Variants in WNK2 observed in about 807,000 individuals in gnomAD.
The protein encoded by WNK2 is WNK lysine deficient protein kinase 2.
A neutral mutation model predicts 192.1 loss-of-function variants in WNK2; 67 were observed. That is an observed-to-expected ratio of 0.35 (90% CI 0.29 to 0.43). The LOEUF is 0.43. Ranked by LOEUF, WNK2 falls within the 20% of genes least tolerant of loss-of-function variation. The probability of loss-of-function intolerance (pLI) is 1.00; values close to 1 mark genes in which losing one functional copy is unlikely to be tolerated. For synonymous variants in WNK2, 1,439 were observed against 1,393.9 expected (o/e 1.03, Z -0.72); for missense variants, 2,698 against 3,089.7 (o/e 0.87, Z 3.01).
chr9:93,288,567 C>T lies in WNK2; in HGVS notation c.4034-221C>T, dbSNP rs551245697. 1.8e-4 allele frequency among the ~76,000 whole-genome samples: 28 copies of T among 152,260 alleles called. No homozygotes were observed. In the South Asian group the frequency reaches 3.7e-3, roughly 20 times the overall value. ...CTATGGGAACAGGGACCTGGAGTTG[C>T]GAAGCTGGTGGCTCAGAGACCTGTG... On this transcript the variant is annotated intron_variant, in intron 19 of 29. Coordinates refer to ENST00000427277, the MANE Select transcript of WNK2 (RefSeq NM_006648.4).
Position 93,247,712 on chromosome 9 carries a change from T to A in WNK2, c.1712T>A (p.Leu571Gln). 1 of 1,562,060 alleles carries A rather than the reference T, an allele frequency of 6.4e-7. No homozygotes were observed. Among genetic ancestry groups the A allele is most frequent in the Non-Finnish European group, 8.7e-7 (1 of 1,153,730 alleles). Reference sequence around the variant, plus strand: ...AAGGCCAGGGGTCCGCCGGTGCCCCTGCAGGTCCAGGTGACCTACCATGCA... The same window carrying A: ...AAGGCCAGGGGTCCGCCGGTGCCCCAGCAGGTCCAGGTGACCTACCATGCA... ...PDKARGPPVP[L>Q]QVQVTYHAQA... Residue 571 changes from leucine to glutamine, a missense_variant, in exon 8 of 30, where the codon CTG (leucine) becomes CAG (glutamine). By Grantham distance (113) the Leu-to-Gln change is moderately radical. Transcript: ENST00000427277. The surrounding 1 kb of genome is among the most constrained non-coding windows in gnomAD (Gnocchi z 5.2).
At chr9:93,299,855 G>A (rs560488180) in intron 25 of WNK2, among the ~76,000 whole-genome samples, 196 bp from the exon 26 acceptor site, 14 of 37,674 alleles carry the variant, frequency 3.7e-4, no homozygotes, top group Admixed American at 2.9e-3. Flanking sequence ...GCCCCTCTCC[G>A]GGCTGCTTCT....
chr9:93,213,213 G>C (rs1486583373), intron 2 of WNK2, among the ~76,000 whole-genome samples: 1 of 152,182 alleles, frequency 6.6e-6, no homozygotes, highest in East Asian at 1.9e-4. Flanking sequence ...GGAACCCCGG[G>C]CTCTGAAGCT....
rs1843281978 is a variant in WNK2, at chr9:93,256,329, C to A, written c.2065C>A (p.Pro689Thr). 13 of 1,582,918 alleles carry A rather than the reference C, an allele frequency of 8.2e-6. No homozygotes were observed. The highest frequency in any genetic ancestry group is 9.4e-6 in the Non-Finnish European group (11 of 1,171,238). Residue 689 changes from proline (P) to threonine (T), a missense_variant, in exon 10 of 30, where the codon CCC becomes ACC. By Grantham distance (38) the Pro-to-Thr change is conservative. Coordinates refer to ENST00000427277, the MANE Select transcript of WNK2 (RefSeq NM_006648.4). ...CTTGCCGGTGGGCTCTGTCCCGGCC[C>A]CCGCCTGCCCTCCGTCCCTCCAGCA... ...PGLPVGSVPAPACPPSLQQHF... is the reference protein window; with the variant it reads ...PGLPVGSVPATACPPSLQQHF...
At chr9:93,241,733 C>G (rs540214220) in intron 7 of WNK2, among the ~76,000 whole-genome samples, 4 of 152,284 alleles carry the variant, frequency 2.6e-5, no homozygotes, top group African/African-American at 9.6e-5. Flanking sequence ...GTCACAGACT[C>G]TGCTCCTCCT....
At chr9:93,233,374 G>T (rs1340102518) in intron 4 of WNK2, among the ~76,000 whole-genome samples, 1 of 151,954 alleles carries the variant, frequency 6.6e-6, no homozygotes, top group East Asian at 1.9e-4. Flanking sequence ...CCATATTCTT[G>T]TCCCAATTTT....
At chr9:93,299,980 G>T in intron 25 of WNK2, 71 bp from the exon 26 acceptor site, 1 of 1,290,042 alleles carries the variant, frequency 7.8e-7, no homozygotes, top group South Asian at 1.2e-5. Flanking sequence ...CTGTTGGTGT[G>T]GAGGAGGAAT....
intron 7 of WNK2, among the ~76,000 whole-genome samples, chr9:93,244,504 G>C (rs566830777): frequency 6.6e-6 from 1 of 152,362 alleles, no homozygotes; most frequent in African/African-American, 2.4e-5. Context: ...GGAAGGCTGG[G>C]GGTGATGATG....
intron 19 of WNK2, among the ~76,000 whole-genome samples, chr9:93,284,118 C>G (rs996586080): frequency 3.9e-5 from 6 of 152,182 alleles, no homozygotes; most frequent in Non-Finnish European, 8.8e-5. Context: ...AAAGTTTCAG[C>G]TTGATGGCTT....
chr9:93,308,362 G>C lies in WNK2; in HGVS notation c.6294G>C (p.Glu2098Asp). ...CCAGCAGCCTGGCCCCAGGCCCTGA[G>C]CCAGGCCCCCAGCCCGCCCTGCACG... Reference protein sequence around the residue: ...SSTSSLAPGPEPGPQPALHVQ... With the variant: ...SSTSSLAPGPDPGPQPALHVQ... Residue 2098 changes from glutamate to aspartate, a missense_variant, in exon 28 of 30, where the codon GAG (glutamate) becomes GAC (aspartate). Physicochemically the swap from Glu to Asp is conservative, Grantham distance 45 (BLOSUM62 2). Coordinates refer to ENST00000427277, the MANE Select transcript of WNK2 (RefSeq NM_006648.4). 6.4e-7 allele frequency: 1 copy of C among 1,557,434 alleles called. No individual in the cohort carries two copies. The highest frequency in any genetic ancestry group is 8.7e-7 in the Non-Finnish European group (1 of 1,150,838).
intron 19 of WNK2, among the ~76,000 whole-genome samples, chr9:93,283,653 AT>A (rs1424043986): frequency 6.6e-6 from 1 of 152,238 alleles, no homozygotes; most frequent in East Asian, 1.9e-4. Flanking sequence ...TGGTGACAAG[AT>A]TGCTGGAACA....
At chr9:93,261,536 A>T (rs1190266076) in intron 12 of WNK2, among the ~76,000 whole-genome samples, 1 of 152,162 alleles carries the variant, frequency 6.6e-6, no homozygotes, top group African/African-American at 2.4e-5. Flanking sequence ...CTGACCCTTC[A>T]ACCAAGCTTG....
chr9:93,184,814 C>A (rs1490623066), intron 1 of WNK2, 114 bp from the exon 2 acceptor site: 8 of 991,130 alleles, frequency 8.1e-6, no homozygotes, highest in Non-Finnish European at 9.0e-6. Flanking sequence ...CAGGCTCTCT[C>A]CGCGGCCGGG....
At chr9:93,200,239 C>G (rs545931568) in intron 2 of WNK2, among the ~76,000 whole-genome samples, 1 of 152,174 alleles carries the variant, frequency 6.6e-6, no homozygotes, top group African/African-American at 2.4e-5. Flanking sequence ...CCTGGCCTTG[C>G]TCTGGCCCCT....
intron 21 of WNK2, 100 bp downstream of exon 21, chr9:93,290,147 C>A: frequency 9.4e-7 from 1 of 1,062,368 alleles, no homozygotes; most frequent in South Asian, 1.5e-5. Context: ...TCTGTTAAGG[C>A]ATAAAAGCAT....
chr9:93,239,874 G>T lies in WNK2; in HGVS notation c.1440G>T (p.Val480=). Residue 480 remains valine, a synonymous_variant, in exon 7 of 30, where the codon GTG becomes GTT. Transcript: ENST00000427277. This position sits in a 1 kb window ranked among gnomAD's most constrained non-coding sequence, Gnocchi z 4.2. ...CCACCATCGCCCTGAGGCTCTGGGT[G>T]GAAGACCCCAAGAAACTGAAGGGAA... is the stretch of plus-strand genomic sequence containing the variant. ...RKSTIALRLW[V]EDPKKLKGKP... is the part of the protein sequence containing the mutation. The T allele has an allele frequency of 1.2e-6, 2 of 1,607,446 alleles. No individual in the cohort carries two copies. Among genetic ancestry groups the T allele is most frequent in the East Asian group, 2.2e-5 (1 of 44,630 alleles).
intron 2 of WNK2, among the ~76,000 whole-genome samples, chr9:93,201,500 G>T (rs1241209358): frequency 6.6e-6 from 1 of 152,246 alleles, no homozygotes; most frequent in Admixed American, 6.5e-5. Context: ...TAGAGCTTGT[G>T]GGAGCAGGGC....
Position 93,188,742 on chromosome 9 carries a change from T to C in WNK2, c.681+3132T>C, listed in dbSNP as rs1478363432. On this transcript the variant is annotated intron_variant, in intron 2 of 29. Transcript: ENST00000427277. ...GCTCCGTGTCGGCTCTGGGAGCGTC[T>C]GCCACCTGCCATAGCCGGCCCAGCT... is the stretch of plus-strand genomic sequence containing the variant. Among the ~76,000 whole-genome samples the C allele has an allele frequency of 2.0e-5, 3 of 152,156 alleles. No homozygotes were observed. In the East Asian group the frequency reaches 5.8e-4, roughly 29 times the overall value.
At chr9:93,313,844 A>G (rs1317422766) in intron 28 of WNK2, among the ~76,000 whole-genome samples, 1 of 152,166 alleles carries the variant, frequency 6.6e-6, no homozygotes, top group African/African-American at 2.4e-5. Context: ...TAAGAAATAT[A>G]TGGCTGGCCA....
Sources: gnomAD v4.1 joint callset for allele counts (sites outside exome capture counted in the v4.1 genomes callset) on GRCh38, gnomAD v4.1.1 for gene constraint, Gnocchi (gnomAD v3.1) non-coding constraint, MANE v1.5 for transcripts, NCBI Gene and HGNC (gene_info 2026-07-23, HGNC 2026-07-21) for gene names.